The following FMO5 variants were observed in gnomAD, a reference collection of about 807,000 sequenced individuals.
The protein encoded by FMO5 is flavin-containing monooxygenase 5.
A neutral mutation model predicts 43.6 loss-of-function variants in FMO5; 51 were observed. The observed-to-expected ratio is 1.17, with a 90% CI of 0.93 to 1.48. The LOEUF is 1.48. Among genes scored for constraint, FMO5 ranks in the 40% most tolerant of loss-of-function variants. The pLI is 0.00. For synonymous variants in FMO5, 187 were observed against 216.5 expected (o/e 0.86, Z 1.20); for missense variants, 644 against 643.0 (o/e 1.00, Z -0.02).
intron 7 of FMO5, among the ~76,000 whole-genome samples, chr1:147,190,562 G>C (rs938222764): frequency 6.6e-6 from 1 of 152,098 alleles, no homozygotes; most frequent in African/African-American, 2.4e-5. Context: ...GGACTTAAAG[G>C]TATATGGAAA....
chr1:147,188,134 T>C (rs1655957440), intron 8 of FMO5, among the ~76,000 whole-genome samples: 1 of 152,122 alleles, frequency 6.6e-6, no homozygotes, highest in African/African-American at 2.4e-5. Flanking sequence ...GGTAAAACAG[T>C]AAAGAATTTG....
intron 7 of FMO5, among the ~76,000 whole-genome samples, chr1:147,200,263 T>C (rs1229347471): frequency 6.6e-6 from 1 of 152,214 alleles, no homozygotes; most frequent in Non-Finnish European, 1.5e-5. Context: ...TGAGTAAATC[T>C]AATCCTTCTT....
intron 8 of FMO5, among the ~76,000 whole-genome samples, chr1:147,189,371 G>T (rs184572451): frequency 3.3e-5 from 5 of 152,168 alleles, no homozygotes; most frequent in Admixed American, 3.3e-4. Context: ...ATTTAGTGCA[G>T]AGGTTTGGCA....
At chr1:147,189,928 C>T (rs1202657695) in intron 8 of FMO5, among the ~76,000 whole-genome samples, 2 of 152,082 alleles carry the variant, frequency 1.3e-5, no homozygotes, top group Non-Finnish European at 2.9e-5. Context: ...ATGCATTTTC[C>T]TATGTGACTT....
Position 147,204,973 on chromosome 1 carries a change from A to C in FMO5, c.831-3469T>G, listed in dbSNP as rs1659719300. 2.7e-5 allele frequency: 32 copies of C among 1,205,650 alleles called. No homozygotes were observed. In the South Asian group the frequency reaches 3.9e-4, roughly 15 times the overall value. 74.7% of individuals were successfully genotyped at this position (1,205,650 alleles called of 1,614,324 possible). ...AGCCGTTCACGTGACCGCTCAGAAG[A>C]CCGCGGAGGAACCAAAGGTTTTCAT... On this transcript the variant is annotated intron_variant, in intron 6 of 8. Coordinates refer to ENST00000254090, the MANE Select transcript of FMO5 (RefSeq NM_001461.4).
chr1:147,186,798 A>G lies in FMO5; in HGVS notation c.*102T>C. 1 of 1,503,894 alleles carries G rather than the reference A, an allele frequency of 6.6e-7. No individual in the cohort carries two copies. The highest frequency in any genetic ancestry group is 8.8e-7 in the Non-Finnish European group (1 of 1,132,832). The allele number at this position is 1,503,894 out of a possible 1,614,324, so 93.2% of individuals were successfully genotyped here. ...ATGCTTTCGAAAGAGACATTAAAGT[A>G]GATTTCTGGGCAATATGAAACTGAG... On this transcript the variant is annotated 3_prime_UTR_variant, in exon 9 of 9. Transcript: ENST00000254090.
At position 147,201,503 on chromosome 1, in the gene FMO5, C is replaced by T. The variant is rs1553920995; in HGVS notation, c.832G>A (p.Ala278Thr). 6.2e-7 allele frequency: 1 copy of T among 1,602,810 alleles called. No individual in the cohort carries two copies. The highest frequency in any genetic ancestry group is 8.5e-7 in the Non-Finnish European group (1 of 1,171,026). Residue 278 changes from alanine to threonine, a missense_variant and splice_region_variant, in exon 7 of 9, where the codon GCT becomes ACT. By Grantham distance (58) the Ala-to-Thr change is moderately conservative. Transcript: ENST00000254090. The stretch of plus-strand genomic sequence containing the variant: ...TTTAAGGTTGGATGCTGACTCAGAG[C>T]TCTGTGAGTCGTGACAAAGATCAAG... The part of the protein sequence containing the change: ...EMFGLKPKHR[A>T]LSQHPTLNDD...
At chr1:147,201,005 C>A in intron 7 of FMO5, 147 bp downstream of exon 7, 1 of 650,042 alleles carries the variant, frequency 1.5e-6, no homozygotes, top group Non-Finnish European at 2.6e-6. Context: ...ACTTTAGATT[C>A]ACTCAAAAAT....
intron 3 of FMO5, chr1:147,214,747 ACTCT>A (rs1441365435): frequency 2.6e-5 from 4 of 151,724 alleles, no homozygotes; most frequent in East Asian, 1.9e-4. Flanking sequence ...TCCCCATGTA[ACTCT>A]CTATTTTTAT....
chr1:147,203,737 G>T, intron 6 of FMO5: 1 of 1,535,196 alleles, frequency 6.5e-7, no homozygotes, highest in East Asian at 2.3e-5. Context: ...TAAGAACTTT[G>T]AAAGTATTAA....
chr1:147,190,688 T>A (rs1229707897), intron 7 of FMO5, among the ~76,000 whole-genome samples: 3 of 152,106 alleles, frequency 2.0e-5, no homozygotes, highest in Admixed American at 2.0e-4. Context: ...AAATTTTTTG[T>A]TTTTATTATT....
chr1:147,225,913 T>TTTTA (rs1559686510), upstream of FMO5: 1 of 152,094 alleles, frequency 6.6e-6, no homozygotes, highest in Non-Finnish European at 1.5e-5. Flanking sequence ...CTTTAAGGGG[T>TTTTA]CCACGTGAAA....
intron 5 of FMO5, 24 bp from the exon 6 acceptor site, chr1:147,209,075 G>A (rs781911264): frequency 1.2e-6 from 2 of 1,600,448 alleles, no homozygotes; most frequent in Non-Finnish European, 1.7e-6. Flanking sequence ...GAAATTGTTT[G>A]CTTTTGTCAC....
rs374261975 is a variant in FMO5 at position 147,187,081 on chromosome 1, C to T, written c.1421G>A (p.Arg474His). Residue 474 changes from arginine (R) to histidine (H), a missense_variant, in exon 9 of 9, where the codon CGT (arginine) becomes CAT (histidine). Coordinates refer to ENST00000254090, the MANE Select transcript of FMO5 (RefSeq NM_001461.4). ...LLGPCTPIHYRVQGPGKWDGA... is the reference protein window; with the variant it reads ...LLGPCTPIHYHVQGPGKWDGA... Reference sequence around the variant, plus strand: ...ATCCCACTTTCCAGGGCCCTGTACACGATAGTGGATTGGAGTGCAGGGTCC... The same window carrying T: ...ATCCCACTTTCCAGGGCCCTGTACATGATAGTGGATTGGAGTGCAGGGTCC... 6.1e-5 allele frequency: 99 copies of T among 1,614,060 alleles called. No individual in the cohort carries two copies. The East Asian group carries it at 6.7e-4, about 11-fold the overall frequency.
chr1:147,187,234 C>A lies in FMO5; in HGVS notation c.1268G>T (p.Ser423Ile). 1 of 1,604,256 alleles carries A rather than the reference C, an allele frequency of 6.2e-7. No homozygotes were observed. The highest frequency in any genetic ancestry group is 8.5e-7 in the Non-Finnish European group (1 of 1,175,712). ...QEEIDKRYVE[S>I]QRHTIQGDYI... ...GTCTCCCTGAATGGTATGGCGTTGG[C>A]TCTCCACATACCTAAAGTAGAAAAG... is the stretch of plus-strand genomic sequence containing the variant. Residue 423 changes from serine to isoleucine, a missense_variant, in exon 9 of 9, where the codon AGC becomes ATC. Physicochemically the swap from Ser to Ile is moderately radical, Grantham distance 142. Transcript: ENST00000254090.
intron 5 of FMO5, 76 bp from the exon 6 acceptor site, chr1:147,209,127 G>C: frequency 1.5e-6 from 2 of 1,353,108 alleles, no homozygotes; most frequent in Non-Finnish European, 2.1e-6. Context: ...TTTTCTTCAA[G>C]AATCATTTCA....
At chr1:147,213,719 A>T (rs1424233507) in intron 3 of FMO5, among the ~76,000 whole-genome samples, 1 of 152,200 alleles carries the variant, frequency 6.6e-6, no homozygotes, top group Non-Finnish European at 1.5e-5. Flanking sequence ...AGTGCAAGTC[A>T]CCAGGTCTCT....
chr1:147,201,431 C>T lies in FMO5; in HGVS notation c.904G>A (p.Gly302Arg), dbSNP rs369165742. Residue 302 changes from glycine (G) to arginine (R), a missense_variant, in exon 7 of 9, where the codon GGA (glycine) becomes AGA (arginine). Gly to Arg is a moderately radical substitution (Grantham distance 125). Transcript: ENST00000254090. ...RIISGLVKVK[G>R]NVKEFTETAA... Reference sequence around the variant, plus strand: ...GTCTCCGTGAATTCCTTCACATTTCCTTTCACTTTCACCAAGCCAGAAATG... The same window carrying T: ...GTCTCCGTGAATTCCTTCACATTTCTTTTCACTTTCACCAAGCCAGAAATG... The T allele has an allele frequency of 6.2e-7, 1 of 1,614,014 alleles. No homozygotes were observed. The highest frequency in any genetic ancestry group is 8.5e-7 in the Non-Finnish European group (1 of 1,180,020).
chr1:147,213,269 G>A (rs782239727), intron 4 of FMO5, 39 bp downstream of exon 4: 1 of 1,540,922 alleles, frequency 6.5e-7, no homozygotes, highest in East Asian at 2.3e-5. Flanking sequence ...CAGGTCACAG[G>A]CATGGGTCAA....
Sources: allele counts gnomAD v4.1 joint callset (sites outside exome capture counted in the v4.1 genomes callset), GRCh38; gene constraint gnomAD v4.1.1; transcripts MANE v1.5; gene names NCBI Gene and HGNC (gene_info 2026-07-23, HGNC 2026-07-21).